The following ARID4B variants were observed in gnomAD, a reference collection of about 807,000 sequenced individuals.
The protein encoded by ARID4B is AT-rich interaction domain 4B.
ARID4B carries 26 observed loss-of-function variants against 147.5 expected under a neutral mutation model. The observed-to-expected ratio is 0.18, with a 90% CI of 0.13 to 0.24. The LOEUF (loss-of-function observed/expected upper bound fraction) is 0.24. ARID4B is among the 10% of genes least tolerant of loss of function. The pLI is 1.00. For missense variants in ARID4B, 1,179 were observed against 1,511.5 expected (o/e 0.78, Z 3.65); for synonymous variants, 512 against 507.9 (o/e 1.01, Z -0.11).
At chr1:235,216,240 T>C (rs1429874320) in intron 16 of ARID4B, among the ~76,000 whole-genome samples, 1 of 152,018 alleles carries the variant, frequency 6.6e-6, no homozygotes, top group Non-Finnish European at 1.5e-5. Flanking sequence ...TACAGTCAAA[T>C]ATATAAGTAT....
chr1:235,254,523 T>C (rs1446631857), intron 5 of ARID4B, among the ~76,000 whole-genome samples: 2 of 151,592 alleles, frequency 1.3e-5, no homozygotes, highest in African/African-American at 4.8e-5. Flanking sequence ...CATTAGAAAA[T>C]AGATTTATAA....
chr1:235,181,287 G>T, intron 20 of ARID4B: 2 of 559,128 alleles, frequency 3.6e-6, no homozygotes, highest in South Asian at 2.8e-5. Context: ...GTCAACCACT[G>T]CATATAATGA....
intron 20 of ARID4B, chr1:235,180,592 C>G (rs1664249749): frequency 1.3e-5 from 2 of 151,894 alleles, no homozygotes; most frequent in South Asian, 2.1e-4. Flanking sequence ...TGAAAAAAAG[C>G]AAAGAACATT....
intron 2 of ARID4B, among the ~76,000 whole-genome samples, chr1:235,303,068 C>T (rs958932943): frequency 1.3e-5 from 2 of 152,088 alleles, no homozygotes; most frequent in African/African-American, 4.8e-5. Flanking sequence ...GGACTACAGG[C>T]GCCCGCCACC....
At chr1:235,228,285 CTTTTTTTTTTTTTT>C in intron 11 of ARID4B, 1 of 73,930 alleles carries the variant, frequency 1.4e-5, no homozygotes, top group East Asian at 4.6e-4. Flanking sequence ...TAGGTAGGTT[CTTTTTTTTTTTTTT>C]TTTTTTTTTT....
At chr1:235,282,756 T>A (rs921755692) in intron 2 of ARID4B, among the ~76,000 whole-genome samples, 2 of 152,148 alleles carry the variant, frequency 1.3e-5, no homozygotes, top group Non-Finnish European at 2.9e-5. Context: ...TGGAAATATT[T>A]ACATTACATA....
chr1:235,316,003 G>A (rs1284109271), intron 2 of ARID4B, among the ~76,000 whole-genome samples: 1 of 151,102 alleles, frequency 6.6e-6, no homozygotes, highest in Non-Finnish European at 1.5e-5. Flanking sequence ...AACATACCAA[G>A]ACTCTGATCT....
intron 6 of ARID4B, among the ~76,000 whole-genome samples, chr1:235,247,231 GA>G (rs1669353707): frequency 6.6e-6 from 1 of 151,988 alleles, no homozygotes; most frequent in Admixed American, 6.5e-5. Flanking sequence ...CTGCCCAGAT[GA>G]AAATAAAAGT....
chr1:235,255,818 G>T, intron 4 of ARID4B, 68 bp from the exon 5 acceptor site: 1 of 1,123,654 alleles, frequency 8.9e-7, no homozygotes, highest in Non-Finnish European at 1.3e-6. Flanking sequence ...ACCTGGGTTT[G>T]TTTTCTTTTA....
chr1:235,265,036 G>A (rs572671164), intron 2 of ARID4B, among the ~76,000 whole-genome samples: 44 of 148,400 alleles, frequency 3.0e-4, no homozygotes, highest in Non-Finnish European at 4.6e-4. Flanking sequence ...CTCCAGCCTG[G>A]GCAACAAGAG....
chr1:235,304,612 TATAA>T (rs1057307044), intron 2 of ARID4B, among the ~76,000 whole-genome samples: 64 of 152,332 alleles, frequency 4.2e-4, no homozygotes, highest in African/African-American at 1.5e-3. Context: ...ACCATTGTGC[TATAA>T]ATCATCACCA....
intron 2 of ARID4B, 63 bp from the exon 3 acceptor site, chr1:235,260,815 CA>C: frequency 8.8e-7 from 1 of 1,140,012 alleles, no homozygotes; most frequent in Admixed American, 2.4e-5. Flanking sequence ...AATCAGACCT[CA>C]GAATAGTGAG....
chr1:235,191,752 C>T (rs1226204093), intron 19 of ARID4B, among the ~76,000 whole-genome samples: 1 of 152,206 alleles, frequency 6.6e-6, no homozygotes, highest in Non-Finnish European at 1.5e-5. Flanking sequence ...TAAAACTAGG[C>T]TTATGCTTGT....
intron 11 of ARID4B, among the ~76,000 whole-genome samples, chr1:235,227,175 C>T (rs990509730): frequency 6.6e-6 from 1 of 152,008 alleles, no homozygotes; most frequent in Non-Finnish European, 1.5e-5. Context: ...GTAGCAGCAA[C>T]ATATGTAATT....
intron 2 of ARID4B, among the ~76,000 whole-genome samples, chr1:235,279,148 C>T (rs771231990): frequency 1.3e-5 from 2 of 152,194 alleles, no homozygotes; most frequent in South Asian, 4.2e-4. Flanking sequence ...AGAAACTCTC[C>T]GGGAGGGAAA....
chr1:235,272,174 T>C (rs1671035224), intron 2 of ARID4B, among the ~76,000 whole-genome samples: 1 of 152,196 alleles, frequency 6.6e-6, no homozygotes, highest in Non-Finnish European at 1.5e-5. Flanking sequence ...ATTCAGAATA[T>C]TACTGTAGTA....
At chr1:235,308,130 T>A (rs1330629294) in intron 2 of ARID4B, among the ~76,000 whole-genome samples, 1 of 138,784 alleles carries the variant, frequency 7.2e-6, no homozygotes, top group Non-Finnish European at 1.6e-5. Flanking sequence ...TCTTGCATCT[T>A]GCTCTGTCGC....
intron 2 of ARID4B, among the ~76,000 whole-genome samples, chr1:235,297,148 G>T (rs972456989): frequency 3.3e-5 from 5 of 152,042 alleles, no homozygotes; most frequent in Non-Finnish European, 5.9e-5. Flanking sequence ...ATTGAAAACC[G>T]ATGGGACAAT....
At position 235,182,331 on chromosome 1, in the gene ARID4B, T is replaced by A; in HGVS notation, c.2588A>T (p.Asp863Val). 1 of 1,614,006 alleles carries A rather than the reference T, an allele frequency of 6.2e-7. No homozygotes were observed. The highest frequency in any genetic ancestry group is 8.5e-7 in the Non-Finnish European group (1 of 1,179,974). The change falls in exon 20 of 24, where the codon GAT (aspartate) becomes GTT (valine). Residue 863 changes from aspartate (D) to valine (V), a missense_variant. Physicochemically the swap from Asp to Val is radical, Grantham distance 152. Around this residue, in one of 10 missense-constraint regions of ARID4B, gnomAD observed 321 missense variants for 342.4 expected, o/e 0.94. Coordinates refer to ENST00000264183, the MANE Select transcript of ARID4B (RefSeq NM_016374.6). ...CMENSSNSSS[D>V]EDEEETKAKM... ...TGCTTTTGTTTCTTCTTCATCTTCATCTGAAGAGCTGTTGCTACTGTTTTC... is the reference window on the plus strand; with the variant it reads ...TGCTTTTGTTTCTTCTTCATCTTCAACTGAAGAGCTGTTGCTACTGTTTTC...
Sources: gnomAD v4.1 joint callset for allele counts (sites outside exome capture counted in the v4.1 genomes callset) on GRCh38, gnomAD v4.1.1 for gene constraint, gnomAD v4.1.1 regional missense constraint, MANE v1.5 for transcripts, NCBI Gene and HGNC (gene_info 2026-07-23, HGNC 2026-07-21) for gene names.